RPS6KA6: variants seen among roughly 807,000 people sequenced by gnomAD.
RPS6KA6 encodes the protein ribosomal protein S6 kinase A6.
Under a neutral mutation model 65.4 loss-of-function variants are expected in RPS6KA6, and 27 were observed. The observed-to-expected ratio is 0.41, with a 90% CI of 0.30 to 0.57. RPS6KA6 has a LOEUF of 0.57. RPS6KA6 is among the 20% of genes least tolerant of loss of function. RPS6KA6 has a pLI of 0.24. For missense variants in RPS6KA6, 486 were observed against 555.6 expected (o/e 0.87, Z 1.26); for synonymous variants, 190 against 184.2 (o/e 1.03, Z -0.26).
chrX:84,111,868 C>T (rs1389535444), intron 12 of RPS6KA6, among the ~76,000 whole-genome samples: 4 of 111,440 alleles, frequency 3.6e-5, no homozygotes, highest in Non-Finnish European at 5.7e-5. Flanking sequence ...CCTAAATGTT[C>T]CATCCAAAAT....
intron 1 of RPS6KA6, among the ~76,000 whole-genome samples, chrX:84,169,293 C>T (rs900458662): frequency 9.0e-5 from 10 of 111,174 alleles, no homozygotes; most frequent in Non-Finnish European, 1.9e-4. Context: ...TACAAATATG[C>T]GGGACAAACA....
At chrX:84,183,065 T>TAATA (rs1219871179) in intron 1 of RPS6KA6, among the ~76,000 whole-genome samples, 5 of 112,294 alleles carry the variant, frequency 4.5e-5, no homozygotes, top group Non-Finnish European at 9.4e-5. Context: ...GGAATGCTAT[T>TAATA]ATTCAATACA....
At position 84,091,638 on chromosome X, in the gene RPS6KA6, C is replaced by A. The variant is rs1429325049; in HGVS notation, c.1971+4556G>T. 3.6e-5 allele frequency among the ~76,000 whole-genome samples: 4 copies of A among 111,466 alleles called. No individual in the cohort carries two copies. The East Asian group carries it at 1.1e-3, about 31-fold the overall frequency. On this transcript the variant is annotated intron_variant, in intron 20 of 21. Transcript: ENST00000262752. The stretch of plus-strand genomic sequence containing the variant: ...CATTGTAGAAGACAGTGTGGTGATT[C>A]CTAAAGGATCTAGAACCATAAATAC...
At chrX:84,151,242 T>G (rs1450594003) in intron 3 of RPS6KA6, among the ~76,000 whole-genome samples, 1 of 98,311 alleles carries the variant, frequency 1.0e-5, no homozygotes, top group Non-Finnish European at 2.0e-5. Flanking sequence ...ATATAGGATA[T>G]ATATAGATAT....
chrX:84,091,593 G>C (rs2034045066), intron 20 of RPS6KA6, among the ~76,000 whole-genome samples: 1 of 111,821 alleles, frequency 8.9e-6, no homozygotes, highest in Non-Finnish European at 1.9e-5. Context: ...ACTGTTGATG[G>C]GAACATAAAT....
chrX:84,154,639 ACATT>A (rs200541552), intron 3 of RPS6KA6, among the ~76,000 whole-genome samples: 2,566 of 110,217 alleles, frequency 0.023, 82 homozygotes, highest in African/African-American at 0.08. Context: ...AGTTCTATAA[ACATT>A]CCCCACCAAC....
At chrX:84,140,173 G>A (rs1426634349) in intron 6 of RPS6KA6, among the ~76,000 whole-genome samples, 2 of 111,183 alleles carry the variant, frequency 1.8e-5, no homozygotes, top group Non-Finnish European at 3.8e-5. Context: ...CGATGGGCCA[G>A]GAATAGTTCC....
At chrX:84,075,232 AAAACAAACAAAC>A (rs201423965) in intron 20 of RPS6KA6, among the ~76,000 whole-genome samples, 4 of 110,970 alleles carry the variant, frequency 3.6e-5, no homozygotes, top group Admixed American at 1.9e-4. Context: ...ACTCCGTCGC[AAAACAAACAAAC>A]AAACAAACAA....
chrX:84,179,580 A>G (rs1295345114), intron 1 of RPS6KA6, among the ~76,000 whole-genome samples: 7 of 111,960 alleles, frequency 6.3e-5, no homozygotes, highest in Non-Finnish European at 1.3e-4. Context: ...GTTCATAGAT[A>G]TGAAGTTGCT....
chrX:84,144,273 T>C (rs983392066), intron 6 of RPS6KA6, among the ~76,000 whole-genome samples: 1 of 110,537 alleles, frequency 9.0e-6, no homozygotes, highest in Non-Finnish European at 1.9e-5. Context: ...TATTTCCAAA[T>C]AACATATATG....
chrX:84,082,127 A>G (rs1350290561), intron 20 of RPS6KA6, among the ~76,000 whole-genome samples: 2 of 111,895 alleles, frequency 1.8e-5, no homozygotes, highest in East Asian at 2.8e-4. Context: ...AATAAAGGGT[A>G]TTCAAATAGG....
At chrX:84,115,495 T>C (rs1231453018) in intron 12 of RPS6KA6, among the ~76,000 whole-genome samples, 1 of 112,105 alleles carries the variant, frequency 8.9e-6, no homozygotes, top group Non-Finnish European at 1.9e-5. Context: ...GGTACACTTA[T>C]ACACTGTTAA....
At chrX:84,106,665 T>C (rs747508948) in intron 14 of RPS6KA6, among the ~76,000 whole-genome samples, 178 bp from the exon 15 acceptor site, 1 of 111,450 alleles carries the variant, frequency 9.0e-6, no homozygotes, top group Admixed American at 9.6e-5. Flanking sequence ...ACAGGCAACA[T>C]AATAAAGCAA....
intron 1 of RPS6KA6, among the ~76,000 whole-genome samples, chrX:84,176,281 T>A (rs1032924070): frequency 8.9e-6 from 1 of 112,003 alleles, no homozygotes; most frequent in Non-Finnish European, 1.9e-5. Context: ...GCCAGTCTCA[T>A]ATGGGCTACA....
intron 20 of RPS6KA6, among the ~76,000 whole-genome samples, chrX:84,086,484 C>A (rs2033924243): frequency 9.0e-6 from 1 of 111,435 alleles, no homozygotes; most frequent in Admixed American, 9.5e-5. Flanking sequence ...ATATCTTAAT[C>A]TTGAGTTCTA....
intron 8 of RPS6KA6, among the ~76,000 whole-genome samples, chrX:84,129,638 C>A (rs771753015): frequency 1.2e-4 from 13 of 111,689 alleles, no homozygotes; most frequent in African/African-American, 3.9e-4. Context: ...AAATGTGGCA[C>A]TTATACACAA....
At chrX:84,134,653 T>C in intron 8 of RPS6KA6, 129 bp downstream of exon 8, 1 of 422,307 alleles carries the variant, frequency 2.4e-6, no homozygotes, top group South Asian at 4.5e-5. Context: ...AACATTTAAT[T>C]CACTAAAGAG....
intron 6 of RPS6KA6, among the ~76,000 whole-genome samples, chrX:84,139,685 C>T (rs1478930391): frequency 8.9e-6 from 1 of 112,081 alleles, no homozygotes; most frequent in Non-Finnish European, 1.9e-5. Flanking sequence ...AATTAAAATG[C>T]TACTCCCAGA....
intron 6 of RPS6KA6, among the ~76,000 whole-genome samples, chrX:84,137,234 T>A (rs2035005884): frequency 8.9e-6 from 1 of 111,940 alleles, no homozygotes; most frequent in Non-Finnish European, 1.9e-5. Flanking sequence ...TTTAGTGACC[T>A]CATTTATCCC....
Sources: gnomAD v4.1 joint callset for allele counts (sites outside exome capture counted in the v4.1 genomes callset) on GRCh38, gnomAD v4.1.1 for gene constraint, MANE v1.5 for transcripts, NCBI Gene and HGNC (gene_info 2026-07-23, HGNC 2026-07-21) for gene names.